ITPR2: variants seen among roughly 807,000 people sequenced by gnomAD.
ITPR2 encodes inositol 1,4,5-trisphosphate-gated calcium channel ITPR2.
In ITPR2, 207 loss-of-function variants were observed where a neutral mutation model predicts 317.1. That is an observed-to-expected ratio of 0.65 (90% CI 0.58 to 0.73). The LOEUF (loss-of-function observed/expected upper bound fraction) is 0.73, where lower values mean the gene tolerates loss of function less well. Among genes scored for constraint, ITPR2 ranks in the 30% least tolerant of loss-of-function variants. ITPR2 has a pLI of 0.00. For missense variants in ITPR2, 2,613 were observed against 3,284.0 expected (o/e 0.80, Z 4.99); for synonymous variants, 1,156 against 1,149.1 (o/e 1.01, Z -0.12).
chr12:26,672,191 C>CT (rs1212975875), intron 13 of ITPR2, among the ~76,000 whole-genome samples: 3 of 151,846 alleles, frequency 2.0e-5, no homozygotes, highest in African/African-American at 7.3e-5. Flanking sequence ...AGCTCTGCAC[C>CT]AAGCAGACCT....
rs1940825115 is a variant in ITPR2 at position 26,419,566 on chromosome 12, CAT to C, written c.6946-355_6946-354del. The C allele has an allele frequency of 1.2e-4, 20 of 167,728 alleles. No individual in the cohort carries two copies. In the South Asian group the frequency reaches 3.3e-3, roughly 27 times the overall value. The allele number at this position is 167,728 out of a possible 1,614,324, so 10.4% of individuals were successfully genotyped here. On this transcript the variant is annotated intron_variant, in intron 49 of 56. Transcript: ENST00000381340. ...TCCATTACTGTTGTGTGACCTAGTTCATGCAGCTGAGGGCCTTGATGGTTTAT... is the reference window on the plus strand; with the variant it reads ...TCCATTACTGTTGTGTGACCTAGTTCGCAGCTGAGGGCCTTGATGGTTTAT...
chr12:26,695,749 G>T, intron 9 of ITPR2, 99 bp from the exon 10 acceptor site: 2 of 736,492 alleles, frequency 2.7e-6, no homozygotes, highest in Non-Finnish European at 4.7e-6. Context: ...CCTCAACTAA[G>T]TTTAATATAA....
intron 37 of ITPR2, among the ~76,000 whole-genome samples, chr12:26,513,787 T>C (rs1286853104): frequency 6.6e-6 from 1 of 151,500 alleles, no homozygotes; most frequent in Non-Finnish European, 1.5e-5. Flanking sequence ...CATGCAACCC[T>C]ACATTTTTCC....
At chr12:26,559,503 C>A (rs1944755417) in intron 35 of ITPR2, among the ~76,000 whole-genome samples, 2 of 152,094 alleles carry the variant, frequency 1.3e-5, no homozygotes, top group Non-Finnish European at 2.9e-5. Context: ...CTTGCACGGG[C>A]CTATTTTATA....
intron 55 of ITPR2, among the ~76,000 whole-genome samples, chr12:26,350,546 C>T (rs1938447486): frequency 6.6e-6 from 1 of 152,076 alleles, no homozygotes; most frequent in African/African-American, 2.4e-5. Context: ...GAAATAGCAC[C>T]AAGTCTGAAA....
intron 26 of ITPR2, among the ~76,000 whole-genome samples, chr12:26,605,108 TA>T (rs56341745): frequency 0.12 from 14,082 of 114,104 alleles, 1,015 homozygotes; most frequent in Admixed American, 0.17. Context: ...AAAATAAAAA[TA>T]AAAAATAAAA....
intron 55 of ITPR2, chr12:26,373,697 G>A (rs1417242236): frequency 6.6e-6 from 1 of 152,158 alleles, no homozygotes; most frequent in Non-Finnish European, 1.5e-5. Flanking sequence ...TGAGATCAGA[G>A]GAGATCGGTT....
At chr12:26,344,704 C>T (rs777909864) in intron 55 of ITPR2, among the ~76,000 whole-genome samples, 2 of 152,178 alleles carry the variant, frequency 1.3e-5, no homozygotes, top group Non-Finnish European at 2.9e-5. Flanking sequence ...ATAATCCTTG[C>T]TTGTGTTTAC....
intron 37 of ITPR2, among the ~76,000 whole-genome samples, chr12:26,543,957 G>A (rs188264473): frequency 2.6e-5 from 4 of 152,162 alleles, no homozygotes; most frequent in East Asian, 1.9e-4. Flanking sequence ...GACTTGTTAG[G>A]GTTGTTAGTT....
intron 51 of ITPR2, among the ~76,000 whole-genome samples, chr12:26,412,749 G>A (rs1019683733): frequency 1.3e-5 from 2 of 152,154 alleles, no homozygotes; most frequent in Non-Finnish European, 1.5e-5. Context: ...ATCAAGGTAA[G>A]GCAGGGAGCA....
intron 49 of ITPR2, among the ~76,000 whole-genome samples, chr12:26,420,041 C>T (rs973374965): frequency 2.0e-5 from 3 of 152,028 alleles, no homozygotes; most frequent in African/African-American, 7.2e-5. Flanking sequence ...TATATTCAAC[C>T]CACATTTCAT....
chr12:26,457,488 T>A (rs889341421), intron 45 of ITPR2, among the ~76,000 whole-genome samples: 1 of 152,152 alleles, frequency 6.6e-6, no homozygotes, highest in Non-Finnish European at 1.5e-5. Flanking sequence ...TGACATAATC[T>A]GTGTTATATT....
intron 31 of ITPR2, among the ~76,000 whole-genome samples, chr12:26,596,128 A>T (rs1945837320): frequency 6.6e-6 from 1 of 152,248 alleles, no homozygotes; most frequent in Admixed American, 6.5e-5. Flanking sequence ...GAATGCATCT[A>T]TTCCATAAAG....
chr12:26,480,998 C>T (rs1164117687), intron 43 of ITPR2, 133 bp downstream of exon 43: 2 of 504,678 alleles, frequency 4.0e-6, no homozygotes, highest in East Asian at 6.4e-5. Flanking sequence ...GTTTAGTAAG[C>T]ATTGTACTTT....
At chr12:26,681,757 G>A in intron 13 of ITPR2, 117 bp downstream of exon 13, 1 of 656,112 alleles carries the variant, frequency 1.5e-6, no homozygotes, top group Non-Finnish European at 2.5e-6. Flanking sequence ...TCATTCAGAA[G>A]CAAGTGTGCT....
chr12:26,794,564 T>C (rs1950397883), intron 1 of ITPR2, among the ~76,000 whole-genome samples: 1 of 152,170 alleles, frequency 6.6e-6, no homozygotes, highest in Non-Finnish European at 1.5e-5. Context: ...ATATTCCCCG[T>C]GATGAGATAT....
chr12:26,386,295 T>C (rs377410662), intron 55 of ITPR2, among the ~76,000 whole-genome samples: 10 of 152,280 alleles, frequency 6.6e-5, no homozygotes, highest in African/African-American at 2.2e-4. Context: ...GTTCTGTCCA[T>C]TGTCCAATGA....
rs775767205 is a variant in ITPR2, at chr12:26,481,245, G to C, written c.6013-4C>G. On this transcript the variant is annotated splice_region_variant and splice_polypyrimidine_tract_variant and intron_variant, in intron 42 of 56. Transcript: ENST00000381340. ...ACTCATGTGTAGCGATACAGGTCTA[G>C]AAAACAAAATATTTGTAAAATATCA... is the stretch of plus-strand genomic sequence containing the variant. 2 of 1,517,342 alleles carry C rather than the reference G, an allele frequency of 1.3e-6. No individual in the cohort carries two copies. Among genetic ancestry groups the C allele is most frequent in the African/African-American group, 2.7e-5 (2 of 72,822 alleles). The allele number at this position is 1,517,342 out of a possible 1,614,324, so 94.0% of individuals were successfully genotyped here.
rs559105588 is a variant in ITPR2, at chr12:26,521,136, T to C, written c.5074-25876A>G. On this transcript the variant is annotated intron_variant, in intron 37 of 56. Coordinates refer to ENST00000381340, the MANE Select transcript of ITPR2 (RefSeq NM_002223.4). ...AACCAACCTGTATAATGCTGATTTA[T>C]TTTATTACCTGAAGATATTTTTTGG... Among the ~76,000 whole-genome samples, 282 of 110,966 alleles carry C rather than the reference T, an allele frequency of 2.5e-3. 3 individuals are homozygous for C. The highest frequency in any genetic ancestry group is 9.6e-3 in the South Asian group (39 of 4,052). The allele number at this position is 110,966 out of a possible 152,430, so 72.8% of individuals were successfully genotyped here.
Sources: gnomAD v4.1 joint callset for allele counts (sites outside exome capture counted in the v4.1 genomes callset) on GRCh38, gnomAD v4.1.1 for gene constraint, MANE v1.5 for transcripts, NCBI Gene and HGNC (gene_info 2026-07-23, HGNC 2026-07-21) for gene names.